ERBB3: variants seen among roughly 807,000 people sequenced by gnomAD.
ERBB3 encodes the protein receptor tyrosine-protein kinase erbB-3.
ERBB3 carries 96 observed loss-of-function variants against 156.7 expected under a neutral mutation model. The observed-to-expected ratio is 0.61, with a 90% confidence interval of 0.52 to 0.73. The LOEUF is 0.73. Ranked by LOEUF, ERBB3 falls within the 30% of genes least tolerant of loss-of-function variation. ERBB3 has a pLI of 0.00. For synonymous variants in ERBB3, 567 were observed against 632.0 expected (o/e 0.90, Z 1.54); for missense variants, 1,406 against 1,709.4 (o/e 0.82, Z 3.13).
At chr12:56,081,433 C>T (rs1339606779) in intron 1 of ERBB3, among the ~76,000 whole-genome samples, 1 of 152,164 alleles carries the variant, frequency 6.6e-6, no homozygotes, top group African/African-American at 2.4e-5. Flanking sequence ...ACAGCCAGGG[C>T]CCCTTCCCCA....
At chr12:56,093,969 AT>A (rs1276307262) in intron 13 of ERBB3, 73 bp downstream of exon 13, 1 of 1,601,152 alleles carries the variant, frequency 6.2e-7, no homozygotes, top group Non-Finnish European at 8.6e-7. Context: ...GTGGCATACA[AT>A]AAAAGTCTTT....
At position 56,097,258 on chromosome 12, in the gene ERBB3, A is replaced by G. The variant is rs200256095; in HGVS notation, c.2460+28A>G. 4.7e-3 allele frequency: 7,587 copies of G among 1,607,220 alleles called. 43 individuals are homozygous for G. The highest frequency in any genetic ancestry group is 0.018 in the Middle Eastern group (111 of 6,030). On this transcript the variant is annotated intron_variant, in intron 20 of 27. Coordinates refer to ENST00000267101, the MANE Select transcript of ERBB3 (RefSeq NM_001982.4). ...GAGAGAAGCCTGGAGGAATTCTGTG[A>G]TAAGAACTGCTTGTCTGGGGGCCAG... is the stretch of plus-strand genomic sequence containing the variant.
intron 9 of ERBB3, chr12:56,089,135 ATTCTTTT>A (rs1466474856): frequency 2.4e-5 from 13 of 545,528 alleles, no homozygotes; most frequent in Non-Finnish European, 4.2e-5. Context: ...TTTCTTTTTT[ATTCTTTT>A]TTCTTTTTTG....
At position 56,083,731 on chromosome 12, in the gene ERBB3, C is replaced by G. The variant is rs569378810; in HGVS notation, c.83-20C>G. 2 of 1,614,012 alleles carry G rather than the reference C, an allele frequency of 1.2e-6. No individual in the cohort carries two copies. The highest frequency in any genetic ancestry group is 4.5e-5 in the East Asian group (2 of 44,866). On this transcript the variant is annotated intron_variant, in intron 1 of 27. Coordinates refer to ENST00000267101, the MANE Select transcript of ERBB3 (RefSeq NM_001982.4). Reference sequence around the variant, plus strand: ...AATTTGTGTCCAGCCCTCAGCCACTCTTCCCTCTGCTTTGAACAGTGTGTC... The same window carrying G: ...AATTTGTGTCCAGCCCTCAGCCACTGTTCCCTCTGCTTTGAACAGTGTGTC...
chr12:56,084,865 A>G (rs775956778), intron 2 of ERBB3, 130 bp from the exon 3 acceptor site: 239 of 1,468,314 alleles, frequency 1.6e-4, no homozygotes, highest in Non-Finnish European at 2.1e-4. Context: ...TAAAAAAAAG[A>G]AAAAAAGAAA....
At chr12:56,095,229 C>T (rs2136814422) in intron 15 of ERBB3, 28 bp from the exon 16 acceptor site, 2 of 1,582,498 alleles carry the variant, frequency 1.3e-6, no homozygotes, top group Non-Finnish European at 1.7e-6. Context: ...TCCAAGCTCT[C>T]ATTTAAGGTG....
Position 56,101,850 on chromosome 12 carries a change from A to G in ERBB3, c.3824A>G (p.Asp1275Gly). The G allele has an allele frequency of 6.2e-7, 1 of 1,613,290 alleles. No homozygotes were observed. Among genetic ancestry groups the G allele is most frequent in the Non-Finnish European group, 8.5e-7 (1 of 1,179,858 alleles). Residue 1275 changes from aspartate (D) to glycine (G), a missense_variant, in exon 28 of 28, where the codon GAT (aspartate) becomes GGT (glycine). By Grantham distance (94) the Asp-to-Gly change is moderately conservative (BLOSUM62 -1). Coordinates refer to ENST00000267101, the MANE Select transcript of ERBB3 (RefSeq NM_001982.4). Reference protein sequence around the residue: ...RQRDGGGPGGDYAAMGACPAS... With the variant: ...RQRDGGGPGGGYAAMGACPAS... Reference sequence around the variant, plus strand: ...CGAGATGGAGGTGGTCCTGGGGGTGATTATGCAGCCATGGGGGCCTGCCCA... The same window carrying G: ...CGAGATGGAGGTGGTCCTGGGGGTGGTTATGCAGCCATGGGGGCCTGCCCA...
intron 4 of ERBB3, 106 bp downstream of exon 4, chr12:56,086,762 C>CG: frequency 7.2e-7 from 1 of 1,379,982 alleles, no homozygotes; most frequent in Non-Finnish European, 1.0e-6. Flanking sequence ...CCCCAGTGAA[C>CG]AAACACCTCA....
At position 56,087,853 on chromosome 12, in the gene ERBB3, C is replaced by T. The variant is rs1381763988; in HGVS notation, c.672C>T (p.Asn224=). ...CNGHCFGPNP[N]QCCHDECAGG... ...GTCACTGCTTTGGGCCCAACCCCAACCAGTGCTGCCATGATGAGTGTGCCG... is the reference window on the plus strand; with the variant it reads ...GTCACTGCTTTGGGCCCAACCCCAATCAGTGCTGCCATGATGAGTGTGCCG... The change falls in exon 6 of 28, where the codon AAC becomes AAT. Residue 224 remains asparagine, a synonymous_variant. Coordinates refer to ENST00000267101, the MANE Select transcript of ERBB3 (RefSeq NM_001982.4). 1.2e-6 allele frequency: 2 copies of T among 1,614,064 alleles called. No homozygotes were observed. Among genetic ancestry groups the T allele is most frequent in the Non-Finnish European group, 8.5e-7 (1 of 1,180,028 alleles).
In ERBB3 at chr12:56,085,696, G is replaced by A. The variant is rs1868455465; in HGVS notation, c.421+515G>A. ...GGAGACTCGCTTGAACCTGGGAGGT[G>A]GAGGTTGCAGTGAGCTGAGATTGCA... On this transcript the variant is annotated intron_variant, in intron 3 of 27. Coordinates refer to ENST00000267101, the MANE Select transcript of ERBB3 (RefSeq NM_001982.4). 4 of 165,250 alleles carry A rather than the reference G, an allele frequency of 2.4e-5. No individual in the cohort carries two copies. The South Asian group carries it at 5.6e-4, about 23-fold the overall frequency. 10.2% of individuals were successfully genotyped at this position (165,250 alleles called of 1,614,324 possible).
At chr12:56,085,271 AGTGCCTCTTCCAAG>A (rs1868439869) in intron 3 of ERBB3, 90 bp downstream of exon 3, 1 of 1,605,282 alleles carries the variant, frequency 6.2e-7, no homozygotes, top group South Asian at 1.1e-5. Flanking sequence ...GCTCACTCTA[AGTGCCTCTTCCAAG>A]GTGCCTGTCA....
intron 15 of ERBB3, among the ~76,000 whole-genome samples, chr12:56,094,932 C>G (rs1868842530): frequency 7.0e-6 from 1 of 143,252 alleles, no homozygotes; most frequent in South Asian, 2.2e-4. Context: ...GCCTGGGCAA[C>G]AAGAGTGAAA....
intron 19 of ERBB3, 56 bp from the exon 20 acceptor site, chr12:56,096,989 T>C: frequency 6.4e-7 from 1 of 1,571,514 alleles, no homozygotes; most frequent in East Asian, 2.2e-5. Flanking sequence ...GCTGTGCACA[T>C]GCTGAGTGTA....
intron 3 of ERBB3, 95 bp from the exon 4 acceptor site, chr12:56,086,436 T>C: frequency 6.9e-7 from 1 of 1,443,106 alleles, no homozygotes; most frequent in East Asian, 2.3e-5. Flanking sequence ...ATTCTCCCAC[T>C]CCTGAGTCTC....
intron 2 of ERBB3, 139 bp from the exon 3 acceptor site, chr12:56,084,855 TA>T (rs969002110): frequency 1.1e-5 from 16 of 1,419,800 alleles, no homozygotes; most frequent in African/African-American, 1.4e-5. Flanking sequence ...TCTCAAATTT[TA>T]AAAAAAAGAA....
At chr12:56,082,033 T>C (rs1429567412) in intron 1 of ERBB3, among the ~76,000 whole-genome samples, 1 of 152,142 alleles carries the variant, frequency 6.6e-6, no homozygotes, top group African/African-American at 2.4e-5. Flanking sequence ...TTGTGTAATA[T>C]GGACTTTACC....
rs903836627 is a variant in ERBB3, at chr12:56,094,525, T to C, written c.1828T>C (p.Cys610Arg). 6.2e-7 allele frequency: 1 copy of C among 1,614,016 alleles called. No homozygotes were observed. The highest frequency in any genetic ancestry group is 8.5e-7 in the Non-Finnish European group (1 of 1,180,024). ...IYKYPDVQNE[C>R]RPCHENCTQG... ...CAAGTACCCAGATGTTCAGAATGAA[T>C]GTCGGCCCTGCCATGAGAACTGCAC... Residue 610 changes from cysteine to arginine, a missense_variant, in exon 15 of 28, where the codon TGT (cysteine) becomes CGT (arginine). Around this residue, in one of 3 missense-constraint regions of ERBB3, gnomAD observed 979 missense variants for 1,219.6 expected, o/e 0.80. Transcript: ENST00000267101.
chr12:56,093,857 G>A lies in ERBB3; in HGVS notation c.1574G>A (p.Arg525Gln), dbSNP rs771536549. 36 of 1,613,942 alleles carry A rather than the reference G, an allele frequency of 2.2e-5. No homozygotes were observed. The Middle Eastern group carries it at 4.9e-4, about 22-fold the overall frequency. ...GQCLSCRNYS[R>Q]GGVCVTHCNF... is the part of the protein sequence containing the mutation. ...TGCTTGTCCTGTCGAAATTATAGCC[G>A]AGGAGGTGTCTGTGTGACCCACTGC... Residue 525 changes from arginine (R) to glutamine (Q), a missense_variant, in exon 13 of 28, where the codon CGA becomes CAA. This residue lies in a region of ERBB3 where 979 missense variants were observed against 1,219.6 expected (regional missense o/e 0.80). Transcript: ENST00000267101.
intron 25 of ERBB3, 57 bp from the exon 26 acceptor site, chr12:56,100,117 A>G: frequency 1.9e-6 from 3 of 1,591,970 alleles, no homozygotes; most frequent in Non-Finnish European, 2.6e-6. Context: ...AAAGGCCCCC[A>G]TGGTGAATGT....
Sources: gnomAD v4.1 joint callset for allele counts (sites outside exome capture counted in the v4.1 genomes callset) on GRCh38, gnomAD v4.1.1 for gene constraint, gnomAD v4.1.1 regional missense constraint, MANE v1.5 for transcripts, NCBI Gene and HGNC (gene_info 2026-07-23, HGNC 2026-07-21) for gene names.